IFNAR2: variants seen among roughly 807,000 people sequenced by gnomAD.
IFNAR2 encodes the protein interferon alpha/beta receptor 2.
In IFNAR2, 30 loss-of-function variants were observed where a neutral mutation model predicts 49.4. That is an observed-to-expected ratio of 0.61 (90% confidence interval 0.45 to 0.82). The LOEUF is 0.82. Ranked by LOEUF, IFNAR2 falls within the 40% of genes least tolerant of loss-of-function variation. The pLI, the probability that IFNAR2 is intolerant of heterozygous loss-of-function variation, is 0.00. For missense variants in IFNAR2, 600 were observed against 622.7 expected (o/e 0.96, Z 0.39); for synonymous variants, 224 against 234.5 (o/e 0.96, Z 0.41).
intron 6 of IFNAR2, chr21:33,251,525 C>T (rs1202929056): frequency 1.0e-6 from 1 of 983,954 alleles, no homozygotes; most frequent in East Asian, 1.1e-4. Context: ...GTGTGCTGGC[C>T]ACTGGAGGGG....
In IFNAR2 at chr21:33,247,246, C is replaced by CTTTTTTTT. The variant is rs71194830; in HGVS notation, c.394+359_394+360insTTTTTTTT. ...GGCCCAGGATTTTCTTTCTTTCTTT[C>CTTTTTTTT]TTTCTTTCTTTTTTTTTTTTTTTGA... On this transcript the variant is annotated intron_variant, in intron 5 of 8. Coordinates refer to ENST00000342136, the MANE Select transcript of IFNAR2 (RefSeq NM_001289125.3). Among the ~76,000 whole-genome samples, 41 of 101,238 alleles carry CTTTTTTTT rather than the reference C, an allele frequency of 4.0e-4. 1 individual carries two copies. Among genetic ancestry groups the CTTTTTTTT allele is most frequent in the South Asian group, 5.9e-4 (2 of 3,402 alleles). The allele number at this position is 101,238 out of a possible 152,430, so 66.4% of individuals were successfully genotyped here.
At position 33,243,684 on chromosome 21, in the gene IFNAR2, C is replaced by A. The variant is rs773217322; in HGVS notation, c.67C>A (p.Leu23Ile). Residue 23 changes from leucine (L) to isoleucine (I), a missense_variant, in exon 3 of 9, where the codon CTC (leucine) becomes ATC (isoleucine). Transcript: ENST00000342136. Reference protein sequence around the residue: ...LNLVLMVYISLVFGISYDSPD... With the variant: ...LNLVLMVYISIVFGISYDSPD... ...TTTCTTCCTTCTAGTGTATATCAGC[C>A]TCGTGTTTGGTATTTCATATGATTC... 4.5e-5 allele frequency: 73 copies of A among 1,613,200 alleles called. No individual in the cohort carries two copies. The highest frequency in any genetic ancestry group is 6.2e-5 in the Non-Finnish European group (73 of 1,179,372).
chr21:33,261,056 T>TTTTTTG (rs1988539117), intron 8 of IFNAR2, among the ~76,000 whole-genome samples: 1 of 147,026 alleles, frequency 6.8e-6, no homozygotes, highest in African/African-American at 2.5e-5. Flanking sequence ...TTTTTTTTTT[T>TTTTTTG]GAGACAGTCT....
intron 1 of IFNAR2, among the ~76,000 whole-genome samples, chr21:33,240,474 T>C (rs1014170259): frequency 6.6e-5 from 10 of 152,124 alleles, no homozygotes; most frequent in African/African-American, 2.4e-4. Context: ...ACAGCACTGT[T>C]CACAGTTGCA....
intron 1 of IFNAR2, among the ~76,000 whole-genome samples, chr21:33,235,483 C>G (rs1001317407): frequency 6.6e-6 from 1 of 152,128 alleles, no homozygotes; most frequent in East Asian, 1.9e-4. Flanking sequence ...ACAGACTGAG[C>G]TCACTACATA....
Position 33,244,956 on chromosome 21 carries a change from A to G in IFNAR2, c.103A>G (p.Thr35Ala), listed in dbSNP as rs750091350. 6 of 1,613,576 alleles carry G rather than the reference A, an allele frequency of 3.7e-6. No individual in the cohort carries two copies. Among genetic ancestry groups the G allele is most frequent in the Non-Finnish European group, 5.1e-6 (6 of 1,179,618 alleles). Residue 35 changes from threonine to alanine, a missense_variant, in exon 4 of 9, where the codon ACA (threonine) becomes GCA (alanine). Physicochemically the swap from Thr to Ala is moderately conservative, Grantham distance 58. Coordinates refer to ENST00000342136, the MANE Select transcript of IFNAR2 (RefSeq NM_001289125.3). ...FGISYDSPDY[T>A]DESCTFKISL... ...CTTTTTCTTCTTCTCTTTAGATTAC[A>G]CAGATGAATCTTGCACTTTCAAGAT...
intron 7 of IFNAR2, among the ~76,000 whole-genome samples, chr21:33,256,005 T>G (rs1223672733): frequency 2.0e-5 from 3 of 151,024 alleles, no homozygotes; most frequent in Admixed American, 6.6e-5. Flanking sequence ...TATTTTATTA[T>G]ATCATTGATC....
In IFNAR2 at chr21:33,242,001, C is replaced by T. The variant is rs138590327; in HGVS notation, c.55+24C>T. On this transcript the variant is annotated intron_variant, in intron 2 of 8. Transcript: ENST00000342136. ...GGGTAAGTGCTGCTTTTTATCTTAGCTCTTATAGAAGCAAGCTGTGATGCC... is the reference window on the plus strand; with the variant it reads ...GGGTAAGTGCTGCTTTTTATCTTAGTTCTTATAGAAGCAAGCTGTGATGCC... 2.9e-5 allele frequency: 46 copies of T among 1,605,728 alleles called. 1 individual carries two copies. The African/African-American group carries it at 4.7e-4, about 16-fold the overall frequency.
intron 7 of IFNAR2, among the ~76,000 whole-genome samples, chr21:33,254,822 A>T (rs548037091): frequency 6.6e-6 from 1 of 152,188 alleles, no homozygotes; most frequent in East Asian, 1.9e-4. Context: ...ACCAAGCTGC[A>T]CCCTGACCAA....
At chr21:33,262,414 A>T in intron 8 of IFNAR2, 1 of 542,598 alleles carries the variant, frequency 1.8e-6, no homozygotes, top group Non-Finnish European at 3.3e-6. Flanking sequence ...GAGCAGTTGC[A>T]AGGGAAAGGT....
Position 33,230,541 on chromosome 21 carries a change from A to ATT in IFNAR2, c.-84+327_-84+328dup. The ATT allele has an allele frequency of 2.1e-6, 1 of 470,610 alleles. No individual in the cohort carries two copies. The highest frequency in any genetic ancestry group is 4.4e-6 in the Non-Finnish European group (1 of 226,902). The allele number at this position is 470,610 out of a possible 1,614,324, so 29.2% of individuals were successfully genotyped here. ...ACCAAGGATGCCCAGGATACCGGGC[A>ATT]TTTGCCACTGCAAGATGTGAGTCGT... On this transcript the variant is annotated intron_variant, in intron 1 of 8. Transcript: ENST00000342136. The surrounding 1 kb of genome is among the most constrained non-coding windows in gnomAD (Gnocchi z 5.5).
At chr21:33,251,819 AC>A (rs1987855515) in intron 6 of IFNAR2, 3 of 973,790 alleles carry the variant, frequency 3.1e-6, no homozygotes, top group Non-Finnish European at 3.7e-6. Context: ...ACAGTGGCTT[AC>A]GCCTGTAATC....
chr21:33,246,842 AAC>A lies in IFNAR2; in HGVS notation c.350_351del (p.Thr117AsnfsTer18), dbSNP rs1987454902. 6.2e-7 allele frequency: 1 copy of A among 1,614,132 alleles called. No homozygotes were observed. Among genetic ancestry groups the A allele is most frequent in the Non-Finnish European group, 8.5e-7 (1 of 1,180,054 alleles). On this transcript the variant is annotated frameshift_variant, in exon 5 of 9. Transcript: ENST00000342136. LOFTEE classifies it high-confidence loss of function. ...CACCGTCCTAGAAGGATTCAGCGGG[AAC>A]ACAACGTTGTTCAGTTGCTCACACA... The part of the protein sequence containing the change: ...YVTVLEGFSG[N>X]TTLFSCSHNF...
chr21:33,234,130 C>T (rs760381195), intron 1 of IFNAR2, among the ~76,000 whole-genome samples: 3 of 151,012 alleles, frequency 2.0e-5, no homozygotes, highest in Non-Finnish European at 4.4e-5. Context: ...TAAATTTTAA[C>T]AACTCCTTTG....
chr21:33,258,296 CTG>C (rs1988348007), intron 7 of IFNAR2, among the ~76,000 whole-genome samples: 1 of 152,088 alleles, frequency 6.6e-6, no homozygotes, highest in Non-Finnish European at 1.5e-5. Context: ...CAGAGCAAGA[CTG>C]TGTCTCAACA....
chr21:33,240,797 C>T (rs1440126937), intron 1 of IFNAR2, among the ~76,000 whole-genome samples: 1 of 98,230 alleles, frequency 1.0e-5, no homozygotes, highest in Non-Finnish European at 2.0e-5. Flanking sequence ...GGCTAGGCAA[C>T]ACAGCAAGAC....
chr21:33,264,349 C>T lies in IFNAR2; in HGVS notation c.*849C>T, dbSNP rs1289884039. ...AGTTTCAGTCGGTGAGCCTTGGGCA[C>T]CTCACCCATGTCACATCCTGTCTCC... On this transcript the variant is annotated 3_prime_UTR_variant, in exon 9 of 9. Transcript: ENST00000342136. The T allele has an allele frequency of 3.9e-5, 6 of 152,192 alleles. No homozygotes were observed. The East Asian group carries it at 7.7e-4, about 20-fold the overall frequency. 9.4% of individuals were successfully genotyped at this position (152,192 alleles called of 1,614,324 possible).
chr21:33,241,750 CT>C, intron 1 of IFNAR2, 89 bp from the exon 2 acceptor site: 1 of 925,664 alleles, frequency 1.1e-6, no homozygotes, highest in Non-Finnish European at 1.5e-6. Context: ...ACCAGGCTCA[CT>C]TGAATAAATG....
chr21:33,246,130 G>A (rs926259513), intron 4 of IFNAR2, among the ~76,000 whole-genome samples: 3 of 151,630 alleles, frequency 2.0e-5, no homozygotes, highest in Non-Finnish European at 4.4e-5. Context: ...GAGTGCACTG[G>A]TACGATCTTG....
Sources: gnomAD v4.1 joint callset for allele counts (sites outside exome capture counted in the v4.1 genomes callset) on GRCh38, gnomAD v4.1.1 for gene constraint, Gnocchi (gnomAD v3.1) non-coding constraint, MANE v1.5 for transcripts, NCBI Gene and HGNC (gene_info 2026-07-23, HGNC 2026-07-21) for gene names.